Variants in PPP2R2C observed in about 807,000 individuals in gnomAD.
PPP2R2C encodes the protein protein phosphatase 2, regulatory subunit B, gamma.
Under a neutral mutation model 45.3 loss-of-function variants are expected in PPP2R2C, and 10 were observed. That is an observed-to-expected ratio of 0.22 (90% CI 0.14 to 0.37). The LOEUF is 0.37. Among genes scored for constraint, PPP2R2C ranks in the 10% least tolerant of loss-of-function variants. The pLI is 1.00. For missense variants in PPP2R2C, 308 were observed against 619.7 expected (o/e 0.50, Z 5.34); for synonymous variants, 257 against 245.4 (o/e 1.05, Z -0.44).
intron 2 of PPP2R2C, among the ~76,000 whole-genome samples, chr4:6,516,719 CT>C (rs1387014482): frequency 4.6e-5 from 7 of 152,226 alleles, no homozygotes; most frequent in African/African-American, 1.7e-4. Flanking sequence ...TTTCTACATG[CT>C]TTGGCGTTAA....
intron 2 of PPP2R2C, among the ~76,000 whole-genome samples, chr4:6,504,390 T>G (rs143234675): frequency 5.3e-5 from 8 of 152,096 alleles, no homozygotes; most frequent in African/African-American, 1.9e-4. Context: ...GTGTCTACAA[T>G]GTACTGCTCA....
At chr4:6,500,394 T>C (rs1723012264) in intron 2 of PPP2R2C, among the ~76,000 whole-genome samples, 1 of 152,222 alleles carries the variant, frequency 6.6e-6, no homozygotes. Context: ...ATGATCTGCC[T>C]GCCTTGGCCT....
Position 6,378,143 on chromosome 4 carries a change from C to T in PPP2R2C, c.334+264G>A, listed in dbSNP as rs1715489607. Among the ~76,000 whole-genome samples the T allele has an allele frequency of 2.0e-5, 3 of 152,124 alleles. No individual in the cohort carries two copies. In the East Asian group the frequency reaches 5.8e-4, roughly 29 times the overall value. On this transcript the variant is annotated intron_variant, in intron 3 of 8. Transcript: ENST00000382599. This position sits in a 1 kb window ranked among gnomAD's most constrained non-coding sequence, Gnocchi z 5.2. Reference sequence around the variant, plus strand: ...CAGCCCTGTGTCTGGCCATGGGGAGCTTCTGAGAGGGTCTGGCATACTCAC... The same window carrying T: ...CAGCCCTGTGTCTGGCCATGGGGAGTTTCTGAGAGGGTCTGGCATACTCAC...
Position 6,324,593 on chromosome 4 carries a change from C to T in PPP2R2C, c.1053-1000G>A, listed in dbSNP as rs896534467. Among the ~76,000 whole-genome samples the T allele has an allele frequency of 3.1e-4, 47 of 152,220 alleles. 1 individual carries two copies. The highest frequency in any genetic ancestry group is 1.7e-3 in the Admixed American group (26 of 15,286). ...CAGGCCCTGCTTCCCTCCAGGGGCC[C>T]GCCTGTCCCGAGGACTCGGGCGAAT... On this transcript the variant is annotated intron_variant, in intron 8 of 8. Transcript: ENST00000382599. This position sits in a 1 kb window ranked among gnomAD's most constrained non-coding sequence, Gnocchi z 4.1.
intron 6 of PPP2R2C, among the ~76,000 whole-genome samples, chr4:6,339,625 G>T (rs2109198720): frequency 6.6e-6 from 1 of 152,364 alleles, no homozygotes; most frequent in South Asian, 2.1e-4. Context: ...AAATGCATGG[G>T]CTTGAGCCAT....
intron 2 of PPP2R2C, among the ~76,000 whole-genome samples, chr4:6,503,927 A>G (rs1013172751): frequency 1.3e-5 from 2 of 152,236 alleles, no homozygotes; most frequent in African/African-American, 2.4e-5. Flanking sequence ...GTAACCACCT[A>G]AGGCACCTAA....
chr4:6,554,363 C>G (rs141950943), intron 1 of PPP2R2C, among the ~76,000 whole-genome samples: 11 of 152,244 alleles, frequency 7.2e-5, no homozygotes, highest in Non-Finnish European at 1.5e-4. Context: ...GAGAGGGGTA[C>G]AGGACAGATT....
chr4:6,512,209 GTGA>G (rs1560595083), intron 2 of PPP2R2C, among the ~76,000 whole-genome samples: 10 of 91,966 alleles, frequency 1.1e-4, no homozygotes, highest in Non-Finnish European at 2.0e-4. Flanking sequence ...GATGGTGGTG[GTGA>G]TGGTGGTGTT....
intron 1 of PPP2R2C, among the ~76,000 whole-genome samples, chr4:6,451,317 C>T (rs1720721899): frequency 6.6e-6 from 1 of 152,266 alleles, no homozygotes; most frequent in Non-Finnish European, 1.5e-5. Flanking sequence ...CCCCTGCCCT[C>T]CTGTAGCCCA....
intron 6 of PPP2R2C, among the ~76,000 whole-genome samples, chr4:6,344,903 G>A (rs989823552): frequency 3.3e-5 from 5 of 151,990 alleles, no homozygotes; most frequent in Non-Finnish European, 2.9e-5. Context: ...TCATTTTCTC[G>A]GCATTTTAAA....
chr4:6,554,763 G>C (rs1725306584), intron 1 of PPP2R2C, among the ~76,000 whole-genome samples: 1 of 151,618 alleles, frequency 6.6e-6, no homozygotes. Flanking sequence ...AGGAAGCTGA[G>C]GCACGAGAAT....
At chr4:6,554,887 AAAGGAAGGAAGGAAGG>A (rs1185835295) in intron 1 of PPP2R2C, among the ~76,000 whole-genome samples, 8 of 106,064 alleles carry the variant, frequency 7.5e-5, no homozygotes, top group South Asian at 3.7e-4. Flanking sequence ...AAAGAAAAAG[AAAGGAAGGAAGGAAGG>A]AAGGAAGGAA....
At chr4:6,555,350 C>T (rs1725361619) in intron 1 of PPP2R2C, among the ~76,000 whole-genome samples, 1 of 152,214 alleles carries the variant, frequency 6.6e-6, no homozygotes, top group Non-Finnish European at 1.5e-5. Context: ...TCATAACACA[C>T]CCTTTCATTC....
intron 5 of PPP2R2C, among the ~76,000 whole-genome samples, chr4:6,353,228 C>T (rs531878875): frequency 8.6e-5 from 13 of 151,890 alleles, no homozygotes; most frequent in Admixed American, 2.6e-4. Flanking sequence ...TAAGAGCAGA[C>T]GCAATGCCAG....
At position 6,442,543 on chromosome 4, in the gene PPP2R2C, C is replaced by T. The variant is rs573443215; in HGVS notation, c.70+29617G>A. ...TTTCCTACCACAAATAGCATGGCCC[C>T]AAGGGCTGGGAGAGGCGACAAGGTG... On this transcript the variant is annotated intron_variant, in intron 1 of 8. Coordinates refer to ENST00000382599, the MANE Select transcript of PPP2R2C (RefSeq NM_020416.4). Among the ~76,000 whole-genome samples, 6 of 152,308 alleles carry T rather than the reference C, an allele frequency of 3.9e-5. No homozygotes were observed. In the East Asian group the frequency reaches 1.2e-3, roughly 29 times the overall value.
At chr4:6,540,684 T>C (rs1308958398) in intron 1 of PPP2R2C, among the ~76,000 whole-genome samples, 2 of 152,228 alleles carry the variant, frequency 1.3e-5, no homozygotes, top group Non-Finnish European at 2.9e-5. Flanking sequence ...CATTTCACGT[T>C]CCCACCACAG....
At chr4:6,370,492 C>T (rs999015250) in intron 5 of PPP2R2C, among the ~76,000 whole-genome samples, 4 of 152,172 alleles carry the variant, frequency 2.6e-5, no homozygotes, top group Admixed American at 1.3e-4. Flanking sequence ...GGGAGAGGTA[C>T]AGGAGTCCGG....
chr4:6,421,484 A>G (rs991950189), intron 1 of PPP2R2C, among the ~76,000 whole-genome samples: 55 of 152,250 alleles, frequency 3.6e-4, no homozygotes, highest in African/African-American at 1.3e-3. Context: ...TTTGTGGATT[A>G]CCCGGAAGTG....
upstream of PPP2R2C, among the ~76,000 whole-genome samples, chr4:6,472,876 A>G (rs1207087321): frequency 1.3e-5 from 2 of 151,694 alleles, no homozygotes; most frequent in Non-Finnish European, 2.9e-5. Context: ...GTTATGGGAG[A>G]GAAGGCCAAG....
Sources: gnomAD v4.1 joint callset for allele counts (sites outside exome capture counted in the v4.1 genomes callset) on GRCh38, gnomAD v4.1.1 for gene constraint, Gnocchi (gnomAD v3.1) non-coding constraint, MANE v1.5 for transcripts, NCBI Gene and HGNC (gene_info 2026-07-23, HGNC 2026-07-21) for gene names.